Variants in DAB2IP observed in about 807,000 individuals in gnomAD.
DAB2IP encodes disabled homolog 2-interacting protein.
DAB2IP carries 28 observed loss-of-function variants against 107.2 expected under a neutral mutation model. That is an observed-to-expected ratio of 0.26 (90% CI 0.19 to 0.36). DAB2IP has a LOEUF of 0.36. DAB2IP is among the 10% of genes least tolerant of loss of function. The probability of loss-of-function intolerance (pLI) is 1.00; values close to 1 mark genes in which losing one functional copy is unlikely to be tolerated. For missense variants in DAB2IP, 1,400 were observed against 1,644.7 expected, an observed-to-expected ratio of 0.85 and a Z score of 2.57; for synonymous variants, 755 against 706.4, an observed-to-expected ratio of 1.07 and a Z score of -1.09.
intron 1 of DAB2IP, among the ~76,000 whole-genome samples, chr9:121,675,275 G>A (rs1833851472): frequency 6.6e-6 from 1 of 152,200 alleles, no homozygotes; most frequent in South Asian, 2.1e-4. Flanking sequence ...GAATTCTAGG[G>A]AGGGGGAGAG....
intron 1 of DAB2IP, among the ~76,000 whole-genome samples, chr9:121,667,607 C>T (rs772517037): frequency 2.0e-5 from 3 of 152,156 alleles, no homozygotes; most frequent in Non-Finnish European, 4.4e-5. Context: ...TCTCCTGCCT[C>T]AGCCTCCTGA....
intron 1 of DAB2IP, among the ~76,000 whole-genome samples, chr9:121,655,442 T>G (rs1832931593): frequency 6.6e-6 from 1 of 152,240 alleles, no homozygotes; most frequent in Non-Finnish European, 1.5e-5. Context: ...GCACCTACTA[T>G]GTGCTGGGCT....
intron 9 of DAB2IP, among the ~76,000 whole-genome samples, 175 bp downstream of exon 9, chr9:121,766,905 C>G (rs1281101049): frequency 1.3e-5 from 2 of 152,238 alleles, no homozygotes; most frequent in Non-Finnish European, 2.9e-5. Flanking sequence ...TCTCCACACC[C>G]TGTCCTTCTA....
chr9:121,657,047 C>T (rs550945528), intron 1 of DAB2IP, among the ~76,000 whole-genome samples: 11 of 152,346 alleles, frequency 7.2e-5, no homozygotes, highest in East Asian at 5.8e-4. Context: ...GGAGTGGCCC[C>T]GTTGGCATCT....
At chr9:121,680,502 T>A (rs1276652817) in intron 2 of DAB2IP, among the ~76,000 whole-genome samples, 2 of 152,096 alleles carry the variant, frequency 1.3e-5, no homozygotes, top group African/African-American at 4.8e-5. Flanking sequence ...GAAGCTGGTC[T>A]CCAGCCTGCA....
At chr9:121,773,049 C>T (rs781324288) in exon 12 of DAB2IP, 1 of 1,612,516 alleles carries the variant, frequency 6.2e-7, no homozygotes. Context: ...TGGCCTGCCG[C>T]TGTCACCCCG....
At position 121,766,733 on chromosome 9, in the gene DAB2IP, G is replaced by T. The variant is rs768878913; in HGVS notation, c.1697+3G>T. ...CAGAACCTGGCCAACTTTGCCAAGTGAGTGCCTCCTCCCTCACCAGGCAGA... is the reference window on the plus strand; with the variant it reads ...CAGAACCTGGCCAACTTTGCCAAGTTAGTGCCTCCTCCCTCACCAGGCAGA... On this transcript the variant is annotated splice_donor_region_variant and intron_variant, in intron 9 of 15. Coordinates refer to ENST00000408936, the Ensembl canonical transcript of DAB2IP. 1 of 1,613,794 alleles carries T rather than the reference G, an allele frequency of 6.2e-7. No individual in the cohort carries two copies. The highest frequency in any genetic ancestry group is 2.2e-5 in the East Asian group (1 of 44,842).
chr9:121,637,280 G>A (rs1000827748), intron 1 of DAB2IP, among the ~76,000 whole-genome samples: 9 of 152,250 alleles, frequency 5.9e-5, no homozygotes, highest in African/African-American at 1.7e-4. Context: ...GCAGTGCCTG[G>A]CACAGAGGAT....
Position 121,635,400 on chromosome 9 carries a change from G to A in DAB2IP, c.41-43278G>A, listed in dbSNP as rs1280582010. Among the ~76,000 whole-genome samples, 1 of 152,186 alleles carries A rather than the reference G, an allele frequency of 6.6e-6. No homozygotes were observed. The highest frequency in any genetic ancestry group is 2.4e-5 in the African/African-American group (1 of 41,430). On this transcript the variant is annotated intron_variant, in intron 1 of 16. Coordinates refer to the DAB2IP transcript ENST00000259371. The surrounding 1 kb of genome is among the most constrained non-coding windows in gnomAD (Gnocchi z 4.3). ...CCAAGTTCTAGAGTAAATCTGTGAA[G>A]GGCTCACAGTTAGTTGGTGGTAGAG...
At chr9:121,691,852 C>T (rs149737972) in intron 2 of DAB2IP, among the ~76,000 whole-genome samples, 89 of 152,324 alleles carry the variant, frequency 5.8e-4, no homozygotes, top group African/African-American at 2.0e-3. Flanking sequence ...GGAATTTCAG[C>T]TGTACTGATG....
intron 3 of DAB2IP, among the ~76,000 whole-genome samples, chr9:121,734,581 G>C (rs1831760839): frequency 6.6e-6 from 1 of 152,208 alleles, no homozygotes; most frequent in Non-Finnish European, 1.5e-5. Flanking sequence ...CTTACTATGA[G>C]AGCTGTCATG....
chr9:121,683,490 C>T (rs761261985), intron 2 of DAB2IP, among the ~76,000 whole-genome samples: 2 of 152,132 alleles, frequency 1.3e-5, no homozygotes, highest in South Asian at 2.1e-4. Flanking sequence ...GATTCCTCCT[C>T]GGGAAGTTGA....
At chr9:121,588,611 A>AGGGAAGGGAAGGGAG in intron 1 of DAB2IP, among the ~76,000 whole-genome samples, 1 of 3,506 alleles carries the variant, frequency 2.9e-4, no homozygotes, top group Non-Finnish European at 8.4e-4. Context: ...AATGGGGAAG[A>AGGGAAGGGAAGGGAG]GGGAAGGGAA....
chr9:121,761,709 C>A (rs1833906272), intron 6 of DAB2IP, among the ~76,000 whole-genome samples: 1 of 152,216 alleles, frequency 6.6e-6, no homozygotes, highest in Non-Finnish European at 1.5e-5. Context: ...CCTTCTCCCC[C>A]AGCCTTCAGA....
intron 11 of DAB2IP, among the ~76,000 whole-genome samples, chr9:121,771,205 A>C (rs959498442): frequency 1.3e-5 from 2 of 152,186 alleles, no homozygotes; most frequent in Non-Finnish European, 2.9e-5. Flanking sequence ...AGAAAACATA[A>C]AGTGATGCTG....
chr9:121,689,840 AT>A (rs1488410501), intron 2 of DAB2IP, among the ~76,000 whole-genome samples: 1 of 152,236 alleles, frequency 6.6e-6, no homozygotes, highest in Non-Finnish European at 1.5e-5. Flanking sequence ...AGCTAGACTA[AT>A]CCCCGCATTG....
intron 8 of DAB2IP, among the ~76,000 whole-genome samples, chr9:121,765,645 T>C (rs529316586): frequency 2.0e-4 from 31 of 152,342 alleles, no homozygotes; most frequent in African/African-American, 6.7e-4. Flanking sequence ...CAGATCACCC[T>C]GAGCTCATGG....
At chr9:121,715,346 TCTTTC>T (rs1170123322) in intron 3 of DAB2IP, among the ~76,000 whole-genome samples, 1 of 149,678 alleles carries the variant, frequency 6.7e-6, no homozygotes, top group African/African-American at 2.5e-5. Context: ...TCTTTTTCTT[TCTTTC>T]TTTTTTTTTT....
chr9:121,598,975 G>T (rs1830598445), intron 1 of DAB2IP, among the ~76,000 whole-genome samples: 1 of 152,186 alleles, frequency 6.6e-6, no homozygotes, highest in Admixed American at 6.5e-5. Context: ...GGAGTCCTCG[G>T]GAGTTTCTGT....
Sources: gnomAD v4.1 joint callset for allele counts (sites outside exome capture counted in the v4.1 genomes callset) on GRCh38, gnomAD v4.1.1 for gene constraint, Gnocchi (gnomAD v3.1) non-coding constraint, MANE v1.5 for transcripts, NCBI Gene and HGNC (gene_info 2026-07-23, HGNC 2026-07-21) for gene names.